The following UNC79 variants were observed in gnomAD, a reference collection of about 807,000 sequenced individuals.
The protein encoded by UNC79 is protein unc-79 homolog.
Under a neutral mutation model 283.1 loss-of-function variants are expected in UNC79, and 37 were observed. The observed-to-expected ratio is 0.13, with a 90% CI of 0.10 to 0.17. The LOEUF is 0.17. Among genes scored for constraint, UNC79 ranks in the 10% least tolerant of loss-of-function variants. The pLI, the probability that UNC79 is intolerant of heterozygous loss-of-function variation, is 1.00. For missense variants in UNC79, 2,272 were observed against 3,211.1 expected, an observed-to-expected ratio of 0.71 and a Z score of 7.07; for synonymous variants, 1,107 against 1,200.2, an observed-to-expected ratio of 0.92 and a Z score of 1.61.
At chr14:93,451,428 G>C (rs2056638375) in intron 1 of UNC79, among the ~76,000 whole-genome samples, 1 of 152,224 alleles carries the variant, frequency 6.6e-6, no homozygotes, top group Admixed American at 6.5e-5. Flanking sequence ...AGCTGCCAGG[G>C]GTTGGAGGGC....
chr14:93,368,197 C>A (rs2054372413), intron 1 of UNC79, among the ~76,000 whole-genome samples: 1 of 152,122 alleles, frequency 6.6e-6, no homozygotes, highest in South Asian at 2.1e-4. Flanking sequence ...TGATTAGTTT[C>A]ATTTATATCT....
chr14:93,640,351 A>G (rs2068909168), intron 32 of UNC79, among the ~76,000 whole-genome samples: 1 of 152,220 alleles, frequency 6.6e-6, no homozygotes, highest in Non-Finnish European at 1.5e-5. Context: ...ATGCAAGGCC[A>G]GGCACAGTGG....
At chr14:93,511,042 C>G (rs1050677743) in intron 7 of UNC79, among the ~76,000 whole-genome samples, 2 of 151,982 alleles carry the variant, frequency 1.3e-5, no homozygotes, top group Non-Finnish European at 1.5e-5. Flanking sequence ...AGGAAACTTA[C>G]AATCATGGCA....
chr14:93,574,842 C>A (rs1182239403), intron 16 of UNC79, among the ~76,000 whole-genome samples: 1 of 151,250 alleles, frequency 6.6e-6, no homozygotes, highest in Non-Finnish European at 1.5e-5. Context: ...ACATGGTGAC[C>A]TATTGGATGC....
chr14:93,451,381 A>AG (rs2056636878), intron 1 of UNC79, among the ~76,000 whole-genome samples: 1 of 152,232 alleles, frequency 6.6e-6, no homozygotes, highest in African/African-American at 2.4e-5. Context: ...AGAAAAAAAA[A>AG]GAGGCTTCTA....
intron 1 of UNC79, among the ~76,000 whole-genome samples, chr14:93,338,376 C>T (rs138266945): frequency 1.4e-4 from 22 of 152,214 alleles, no homozygotes; most frequent in Non-Finnish European, 2.5e-4. Context: ...TAAGGTCTCA[C>T]CAGTAAGGCC....
intron 14 of UNC79, among the ~76,000 whole-genome samples, chr14:93,565,392 G>A (rs892755070): frequency 5.9e-5 from 9 of 152,106 alleles, no homozygotes; most frequent in Non-Finnish European, 1.0e-4. Flanking sequence ...GAATAGACAA[G>A]GTGAGCTATT....
chr14:93,361,211 C>CAAAAAAAAAAAAAAAAAAAAAAA (rs58267219), intron 1 of UNC79, among the ~76,000 whole-genome samples: 7 of 54,356 alleles, frequency 1.3e-4, no homozygotes, highest in Admixed American at 2.9e-4. Context: ...GACTCTGTCT[C>CAAAAAAAAAAAAAAAAAAAAAAA]AAAAAAAAAA....
intron 7 of UNC79, among the ~76,000 whole-genome samples, chr14:93,520,189 G>T (rs1275882516): frequency 1.3e-5 from 2 of 151,874 alleles, no homozygotes; most frequent in Non-Finnish European, 2.9e-5. Flanking sequence ...ATTCTAGGTT[G>T]ACAGTTTTTT....
intron 1 of UNC79, among the ~76,000 whole-genome samples, chr14:93,357,860 TATATGG>T (rs1217568161): frequency 1.7e-4 from 8 of 47,586 alleles, no homozygotes; most frequent in Non-Finnish European, 3.4e-4. Flanking sequence ...TATGGATATA[TATATGG>T]ATATATGGAT....
At chr14:93,593,823 T>C (rs1023558309) in exon 23 of UNC79, 2 of 1,613,640 alleles carry the variant, frequency 1.2e-6, no homozygotes, top group South Asian at 1.1e-5. Flanking sequence ...GACTGGAAGA[T>C]GAGGTTTGAA....
At chr14:93,347,440 C>T (rs768777687) in intron 1 of UNC79, 2 of 1,412,358 alleles carry the variant, frequency 1.4e-6, no homozygotes, top group Admixed American at 3.1e-5. Flanking sequence ...GCGCGTGGCC[C>T]TGGCGGGGCG....
chr14:93,690,402 T>G lies in UNC79; in HGVS notation c.7272+99T>G. Reference sequence around the variant, plus strand: ...TCTTCTGAGAAGAAAATACATCTTATCATTTGCCCTCCTGTGGATGTTAGA... The same window carrying G: ...TCTTCTGAGAAGAAAATACATCTTAGCATTTGCCCTCCTGTGGATGTTAGA... On this transcript the variant is annotated intron_variant, in intron 45 of 48. Coordinates refer to ENST00000555664, the Ensembl canonical transcript of UNC79. The surrounding 1 kb of genome is among the most constrained non-coding windows in gnomAD (Gnocchi z 4.3). The G allele has an allele frequency of 7.4e-7, 1 of 1,359,136 alleles. No homozygotes were observed. Among genetic ancestry groups the G allele is most frequent in the South Asian group, 1.4e-5 (1 of 69,420 alleles). 84.2% of individuals were successfully genotyped at this position (1,359,136 alleles called of 1,614,324 possible). A position where few individuals can be genotyped will look rare whatever the true frequency, so the allele number is the denominator to read the frequency against.
At chr14:93,497,323 T>C (rs753231981) in intron 7 of UNC79, 37 bp downstream of exon 7, 2 of 1,599,292 alleles carry the variant, frequency 1.3e-6, no homozygotes, top group Admixed American at 1.7e-5. Flanking sequence ...CCCATCTGTA[T>C]TTCTCCTGTG....
intron 41 of UNC79, among the ~76,000 whole-genome samples, chr14:93,674,711 C>T (rs2140680068): frequency 6.6e-6 from 1 of 152,278 alleles, no homozygotes; most frequent in African/African-American, 2.4e-5. Context: ...ATTTTGGAGA[C>T]ATGAGAGAGA....
chr14:93,370,632 C>T (rs777167998), intron 1 of UNC79, among the ~76,000 whole-genome samples: 2 of 151,940 alleles, frequency 1.3e-5, no homozygotes, highest in African/African-American at 2.4e-5. Flanking sequence ...ATTAGCCAGA[C>T]GTGGTGGTAC....
chr14:93,442,120 A>G (rs1187881436), intron 1 of UNC79, among the ~76,000 whole-genome samples: 1 of 152,030 alleles, frequency 6.6e-6, no homozygotes, highest in Admixed American at 6.6e-5. Context: ...TTAGTGGCTT[A>G]GTCTTTTTTT....
At chr14:93,615,439 C>G (rs1404008746) in intron 27 of UNC79, among the ~76,000 whole-genome samples, 1 of 151,874 alleles carries the variant, frequency 6.6e-6, no homozygotes, top group Admixed American at 6.6e-5. Flanking sequence ...AAGCTAAAAT[C>G]AAGGCTGGGC....
chr14:93,416,636 T>G (rs1037999491), intron 1 of UNC79, among the ~76,000 whole-genome samples: 1 of 152,098 alleles, frequency 6.6e-6, no homozygotes, highest in Non-Finnish European at 1.5e-5. Context: ...AAGTCTCCCA[T>G]TATTATTGTG....
Sources: gnomAD v4.1 joint callset for allele counts (sites outside exome capture counted in the v4.1 genomes callset) on GRCh38, gnomAD v4.1.1 for gene constraint, Gnocchi (gnomAD v3.1) non-coding constraint, MANE v1.5 for transcripts, NCBI Gene and HGNC (gene_info 2026-07-23, HGNC 2026-07-21) for gene names.